JARID2: variants seen among roughly 807,000 people sequenced by gnomAD.
The protein encoded by JARID2 is protein Jumonji.
Under a neutral mutation model 125.6 loss-of-function variants are expected in JARID2, and 21 were observed. That is an observed-to-expected ratio of 0.17 (90% confidence interval 0.12 to 0.24). JARID2 has a LOEUF of 0.24. Ranked by LOEUF, JARID2 falls within the 10% of genes least tolerant of loss-of-function variation. The probability of loss-of-function intolerance (pLI) is 1.00; values close to 1 mark genes in which losing one functional copy is unlikely to be tolerated. For synonymous variants in JARID2, 736 were observed against 661.6 expected (o/e 1.11, Z -1.73); for missense variants, 1,303 against 1,639.6 (o/e 0.79, Z 3.55).
At chr6:15,428,554 A>G (rs1011766652) in intron 3 of JARID2, among the ~76,000 whole-genome samples, 1 of 152,092 alleles carries the variant, frequency 6.6e-6, no homozygotes, top group African/African-American at 2.4e-5. Context: ...GTTTGCTGAG[A>G]ATAATGGTTT....
intron 1 of JARID2, among the ~76,000 whole-genome samples, chr6:15,370,562 C>T (rs1011096634): frequency 9.2e-5 from 14 of 151,966 alleles, no homozygotes; most frequent in Non-Finnish European, 2.9e-5. Flanking sequence ...AGGATGGTCT[C>T]GATCTCCTGA....
intron 1 of JARID2, among the ~76,000 whole-genome samples, chr6:15,271,447 A>G (rs1760292026): frequency 6.6e-6 from 1 of 152,178 alleles, no homozygotes; most frequent in Non-Finnish European, 1.5e-5. Context: ...CTCTGTCCCA[A>G]CCTGAGCATC....
intron 1 of JARID2, among the ~76,000 whole-genome samples, chr6:15,296,071 A>AT (rs982152101): frequency 6.6e-6 from 1 of 152,160 alleles, no homozygotes; most frequent in Non-Finnish European, 1.5e-5. Flanking sequence ...TATTTCGGTA[A>AT]TTTTTTCAAC....
Position 15,339,773 on chromosome 6 carries a change from G to A in JARID2, c.46-34344G>A, listed in dbSNP as rs1763006967. On this transcript the variant is annotated intron_variant, in intron 1 of 17. Coordinates refer to ENST00000341776, the MANE Select transcript of JARID2 (RefSeq NM_004973.4). ...TGGTCTCGAACTCCCAACCTCAGGT[G>A]ATGTGCCCTCGTCGGCCTCCCAAAG... Among the ~76,000 whole-genome samples the A allele has an allele frequency of 2.0e-5, 3 of 152,108 alleles. No individual in the cohort carries two copies. The South Asian group carries it at 6.2e-4, about 31-fold the overall frequency.
chr6:15,474,992 C>T (rs1222680345), intron 5 of JARID2, among the ~76,000 whole-genome samples: 1 of 152,154 alleles, frequency 6.6e-6, no homozygotes, highest in Non-Finnish European at 1.5e-5. Context: ...ACACAAGAAT[C>T]CTCCAAGTGG....
Position 15,374,105 on chromosome 6 carries a change from A to G in JARID2, c.46-12A>G. The G allele has an allele frequency of 6.2e-7, 1 of 1,611,204 alleles. No individual in the cohort carries two copies. Among genetic ancestry groups the G allele is most frequent in the Non-Finnish European group, 8.5e-7 (1 of 1,178,778 alleles). ...TATTCAGTAACTCCTCTCTTTTCTTATGTTTCTTCAGGATGACAGTGATGG... is the reference window on the plus strand; with the variant it reads ...TATTCAGTAACTCCTCTCTTTTCTTGTGTTTCTTCAGGATGACAGTGATGG... On this transcript the variant is annotated splice_polypyrimidine_tract_variant and intron_variant, in intron 1 of 17. Coordinates refer to ENST00000341776, the MANE Select transcript of JARID2 (RefSeq NM_004973.4).
chr6:15,247,872 G>C, intron 1 of JARID2: 1 of 985,412 alleles, frequency 1.0e-6, no homozygotes, highest in Middle Eastern at 5.2e-4. Context: ...GGGCTGGGTA[G>C]AATGCAAAGG....
In JARID2 at chr6:15,487,387, G is replaced by A; in HGVS notation, c.751G>A (p.Glu251Lys). 6.2e-7 allele frequency: 1 copy of A among 1,614,208 alleles called. No individual in the cohort carries two copies. The highest frequency in any genetic ancestry group is 2.2e-5 in the East Asian group (1 of 44,880). The change falls in exon 6 of 18, where the codon GAG (glutamate) becomes AAG (lysine). Residue 251 changes from glutamate (E) to lysine (K), a missense_variant. By Grantham distance (56) the Glu-to-Lys change is moderately conservative. Around this residue, in one of 11 missense-constraint regions of JARID2, gnomAD observed 651 missense variants for 581.6 expected, o/e 1.12. Transcript: ENST00000341776. Reference protein sequence around the residue: ...HKSKEATPAKEKHSDHRADSR... With the variant: ...HKSKEATPAKKKHSDHRADSR... ...AAGCAAAGAGGCCACTCCCGCAAAG[G>A]AGAAGCACAGCGATCACCGGGCTGA...
rs376782627 is a variant in JARID2, at chr6:15,324,849, TA to T, written c.46-49254del. Among the ~76,000 whole-genome samples, 968 of 139,730 alleles carry T rather than the reference TA, an allele frequency of 6.9e-3. 4 individuals are homozygous for T. Among genetic ancestry groups the T allele is most frequent in the African/African-American group, 0.018 (682 of 38,294 alleles). The allele number at this position is 139,730 out of a possible 152,430, so 91.7% of individuals were successfully genotyped here. A position where few individuals can be genotyped will look rare whatever the true frequency, so the allele number is the denominator to read the frequency against. On this transcript the variant is annotated intron_variant, in intron 1 of 17. Coordinates refer to ENST00000341776, the MANE Select transcript of JARID2 (RefSeq NM_004973.4). ...TACGGGTCAGAGGTGGTTTTGTTAT[TA>T]AAAAAAAAAAAAAGAAAAGAATGTC...
At position 15,285,744 on chromosome 6, in the gene JARID2, A is replaced by G. The variant is rs569360046; in HGVS notation, c.45+39160A>G. On this transcript the variant is annotated intron_variant, in intron 1 of 17. Transcript: ENST00000341776. ...AAAAGAAGGCAGCATCTCGTAAGTCATTCCACATTGCATACAGTAAGTGTG... is the reference window on the plus strand; with the variant it reads ...AAAAGAAGGCAGCATCTCGTAAGTCGTTCCACATTGCATACAGTAAGTGTG... 3.9e-5 allele frequency among the ~76,000 whole-genome samples: 6 copies of G among 152,358 alleles called. No individual in the cohort carries two copies. The East Asian group carries it at 1.2e-3, about 29-fold the overall frequency.
chr6:15,270,555 A>G (rs2127351886), intron 1 of JARID2, among the ~76,000 whole-genome samples: 1 of 152,324 alleles, frequency 6.6e-6, no homozygotes, highest in East Asian at 1.9e-4. Context: ...ATTGCGAGTC[A>G]TGTCAGGTTA....
intron 1 of JARID2, among the ~76,000 whole-genome samples, chr6:15,317,944 A>G (rs938720758): frequency 6.6e-6 from 1 of 152,228 alleles, no homozygotes; most frequent in African/African-American, 2.4e-5. Flanking sequence ...AAGTTCCAGC[A>G]GATGAGGTGA....
At chr6:15,468,496 G>A (rs2127675496) in intron 4 of JARID2, 46 bp from the exon 5 acceptor site, 1 of 602,420 alleles carries the variant, frequency 1.7e-6, no homozygotes, top group Non-Finnish European at 2.1e-6. Context: ...TGGAAAGGGT[G>A]AGGGTCAAGG....
intron 1 of JARID2, among the ~76,000 whole-genome samples, chr6:15,310,814 A>G (rs549235562): frequency 2.0e-5 from 3 of 152,348 alleles, no homozygotes; most frequent in Admixed American, 6.5e-5. Flanking sequence ...GACTCCTGCC[A>G]GGATGACTTG....
chr6:15,410,203 G>A (rs1385766378), intron 2 of JARID2, 21 bp from the exon 3 acceptor site: 1 of 1,609,606 alleles, frequency 6.2e-7, no homozygotes, highest in South Asian at 1.1e-5. Context: ...TTAAGTGTTT[G>A]TCCCCTTTTC....
At chr6:15,311,086 T>A (rs1442111267) in intron 1 of JARID2, among the ~76,000 whole-genome samples, 1 of 152,180 alleles carries the variant, frequency 6.6e-6, no homozygotes, top group Non-Finnish European at 1.5e-5. Flanking sequence ...AATAATTCTC[T>A]AATAAGCTGT....
At chr6:15,443,455 A>AAT (rs999363548) in intron 3 of JARID2, among the ~76,000 whole-genome samples, 3 of 152,128 alleles carry the variant, frequency 2.0e-5, no homozygotes, top group Admixed American at 6.5e-5. Flanking sequence ...ATCTTTCTAA[A>AAT]ATATATATGA....
At position 15,514,520 on chromosome 6, in the gene JARID2, G is replaced by A. The variant is rs1158374417; in HGVS notation, c.3450+1098G>A. ...CCATGGTGGGCCAGGACTGAGACCC[G>A]GGTCGACTCTCCTTGGCCTCCCAGT... On this transcript the variant is annotated intron_variant, in intron 16 of 17. Transcript: ENST00000341776. 3.3e-5 allele frequency among the ~76,000 whole-genome samples: 5 copies of A among 152,166 alleles called. No individual in the cohort carries two copies. In the East Asian group the frequency reaches 5.8e-4, roughly 18 times the overall value.
At chr6:15,328,789 G>A (rs899360818) in intron 1 of JARID2, among the ~76,000 whole-genome samples, 4 of 152,198 alleles carry the variant, frequency 2.6e-5, no homozygotes, top group African/African-American at 9.7e-5. Flanking sequence ...CACCTGTGCA[G>A]CACATGTTAA....
Sources: allele counts gnomAD v4.1 joint callset (sites outside exome capture counted in the v4.1 genomes callset), GRCh38; gene constraint gnomAD v4.1.1; regional missense constraint gnomAD v4.1.1; transcripts MANE v1.5; gene names NCBI Gene and HGNC (gene_info 2026-07-23, HGNC 2026-07-21).